LONP2: variants seen among roughly 807,000 people sequenced by gnomAD.
LONP2 encodes lon protease homolog 2, peroxisomal.
LONP2 carries 60 observed loss-of-function variants against 85.6 expected under a neutral mutation model. The ratio of observed to expected loss-of-function variants is 0.70; its 90% CI spans 0.57 to 0.87. The LOEUF is 0.87. Among genes scored for constraint, LONP2 ranks in the 40% least tolerant of loss-of-function variants. LONP2 has a pLI of 0.00. For synonymous variants in LONP2, 395 were observed against 389.7 expected, an observed-to-expected ratio of 1.01 and a Z score of -0.16; for missense variants, 860 against 1,063.5, an observed-to-expected ratio of 0.81 and a Z score of 2.66.
At chr16:48,314,444 A>G (rs1284249616) in intron 11 of LONP2, among the ~76,000 whole-genome samples, 1 of 152,122 alleles carries the variant, frequency 6.6e-6, no homozygotes, top group Non-Finnish European at 1.5e-5. Flanking sequence ...TGGGTTTTAC[A>G]TTTAAGTCTT....
chr16:48,332,510 G>A (rs1301125161), intron 11 of LONP2, among the ~76,000 whole-genome samples: 2 of 151,878 alleles, frequency 1.3e-5, no homozygotes, highest in African/African-American at 4.8e-5. Context: ...TCAGGAGTTC[G>A]AGACCAGCCT....
intron 7 of LONP2, among the ~76,000 whole-genome samples, chr16:48,272,148 A>C (rs1209231859): frequency 6.6e-6 from 1 of 152,226 alleles, no homozygotes; most frequent in African/African-American, 2.4e-5. Flanking sequence ...ACACACAGTG[A>C]GCATTCACTA....
chr16:48,296,974 T>G (rs933346771), intron 9 of LONP2, among the ~76,000 whole-genome samples: 10 of 151,294 alleles, frequency 6.6e-5, no homozygotes, highest in South Asian at 2.1e-4. Context: ...TATCACTGAG[T>G]TTTTTTTTAA....
chr16:48,244,368 C>T lies in LONP2; in HGVS notation c.-21C>T, dbSNP rs761052695. 1 of 1,508,496 alleles carries T rather than the reference C, an allele frequency of 6.6e-7. No individual in the cohort carries two copies. The highest frequency in any genetic ancestry group is 8.9e-7 in the Non-Finnish European group (1 of 1,127,308). The allele number at this position is 1,508,496 out of a possible 1,614,324, so 93.4% of individuals were successfully genotyped here. Reference sequence around the variant, plus strand: ...TCTGTCTGGCTCTTTTTGACAGCCCCCAGTGCGAAAGGCTGCCAGCATGTC... The same window carrying T: ...TCTGTCTGGCTCTTTTTGACAGCCCTCAGTGCGAAAGGCTGCCAGCATGTC... On this transcript the variant is annotated 5_prime_UTR_variant, in exon 1 of 15. Transcript: ENST00000285737.
intron 8 of LONP2, among the ~76,000 whole-genome samples, chr16:48,283,943 G>A (rs1972383564): frequency 6.6e-6 from 1 of 152,156 alleles, no homozygotes; most frequent in Non-Finnish European, 1.5e-5. Context: ...CACGGGAGGA[G>A]GTCAAAATAT....
chr16:48,282,617 G>A lies in LONP2; in HGVS notation c.1383+5138G>A, dbSNP rs148707985. Among the ~76,000 whole-genome samples the A allele has an allele frequency of 6.8e-4, 103 of 151,960 alleles. No individual in the cohort carries two copies. In the East Asian group the frequency reaches 0.012, roughly 17 times the overall value. On this transcript the variant is annotated intron_variant, in intron 8 of 14. Transcript: ENST00000285737. ...GTATTGCTATTGTGATTGTTTTGGG[G>A]CACCACAAACTGCACCCATATAAGA...
intron 2 of LONP2, among the ~76,000 whole-genome samples, chr16:48,254,596 C>G (rs1352618784): frequency 2.0e-5 from 3 of 152,062 alleles, no homozygotes; most frequent in African/African-American, 7.2e-5. Flanking sequence ...AACTCCTGAC[C>G]TCATGATCCA....
At chr16:48,328,537 G>C (rs1959326111) in intron 11 of LONP2, among the ~76,000 whole-genome samples, 1 of 152,086 alleles carries the variant, frequency 6.6e-6, no homozygotes, top group Non-Finnish European at 1.5e-5. Flanking sequence ...AATTAGCCAG[G>C]CATGGTGACG....
chr16:48,342,317 G>A (rs186437492), intron 12 of LONP2, among the ~76,000 whole-genome samples: 28 of 152,336 alleles, frequency 1.8e-4, no homozygotes, highest in African/African-American at 6.5e-4. Context: ...GCGAATTCCA[G>A]GAGATTCTGT....
chr16:48,249,626 A>G (rs759952538), intron 1 of LONP2, among the ~76,000 whole-genome samples: 24 of 152,212 alleles, frequency 1.6e-4, no homozygotes, highest in Non-Finnish European at 3.4e-4. Context: ...CTGTAATCCT[A>G]GCACTTTGGG....
chr16:48,271,174 T>TCAAACAAA (rs112143182), intron 7 of LONP2, among the ~76,000 whole-genome samples: 1 of 151,952 alleles, frequency 6.6e-6, no homozygotes, highest in Non-Finnish European at 1.5e-5. Flanking sequence ...AGACATTATC[T>TCAAACAAA]CAAACAAACA....
chr16:48,316,691 A>G (rs1382239788), intron 11 of LONP2, among the ~76,000 whole-genome samples: 1 of 152,132 alleles, frequency 6.6e-6, no homozygotes, highest in African/African-American at 2.4e-5. Flanking sequence ...CTTTTTATCT[A>G]TTTAATCCCT....
At chr16:48,280,777 C>T (rs1972309954) in intron 8 of LONP2, among the ~76,000 whole-genome samples, 1 of 152,122 alleles carries the variant, frequency 6.6e-6, no homozygotes, top group Non-Finnish European at 1.5e-5. Context: ...TTGCCCAAGT[C>T]CTGGGTAAAA....
At chr16:48,283,658 T>A (rs1972376913) in intron 8 of LONP2, among the ~76,000 whole-genome samples, 1 of 152,256 alleles carries the variant, frequency 6.6e-6, no homozygotes, top group African/African-American at 2.4e-5. Flanking sequence ...TTGAAAATAT[T>A]ACTGCTCGTT....
chr16:48,302,340 T>C (rs1567331469), intron 10 of LONP2, among the ~76,000 whole-genome samples: 1 of 152,242 alleles, frequency 6.6e-6, no homozygotes. Flanking sequence ...CTGTCTTTTC[T>C]CAGAACTTTT....
At chr16:48,362,249 A>G, downstream of LONP2, 1 of 1,614,218 alleles carries the variant, frequency 6.2e-7, no homozygotes, top group African/African-American at 1.3e-5. The surrounding 1 kb of genome is among the most constrained non-coding windows in gnomAD (Gnocchi z 4.2). Context: ...TGCTACAAAC[A>G]AGATGGCCAC....
chr16:48,338,548 CT>C (rs1443457221), intron 12 of LONP2, among the ~76,000 whole-genome samples: 3 of 152,204 alleles, frequency 2.0e-5, no homozygotes, highest in Middle Eastern at 3.4e-3. Context: ...ATGGGGAAGA[CT>C]TGGGGAGGGA....
At chr16:48,288,640 G>A (rs1327318317) in intron 8 of LONP2, among the ~76,000 whole-genome samples, 1 of 152,120 alleles carries the variant, frequency 6.6e-6, no homozygotes, top group Non-Finnish European at 1.5e-5. Flanking sequence ...ACTTGTGGCT[G>A]TGTCCTCGGG....
chr16:48,362,539 C>G lies in LONP2; in HGVS notation c.*676C>G. On this transcript the variant is annotated 3_prime_UTR_variant, in exon 5 of 5. Coordinates refer to the LONP2 transcript ENST00000565867. This position sits in a 1 kb window ranked among gnomAD's most constrained non-coding sequence, Gnocchi z 4.2. ...CTTTTAAAGTTTCATACAAAATTTA[C>G]TGAGCAAAAGAGGAAGAAAAATAGG... The G allele has an allele frequency of 3.5e-6, 4 of 1,130,388 alleles. No individual in the cohort carries two copies. Among genetic ancestry groups the G allele is most frequent in the Non-Finnish European group, 3.8e-6 (3 of 792,198 alleles). 70.0% of individuals were successfully genotyped at this position (1,130,388 alleles called of 1,614,324 possible).
Sources: gnomAD v4.1 joint callset for allele counts (sites outside exome capture counted in the v4.1 genomes callset) on GRCh38, gnomAD v4.1.1 for gene constraint, Gnocchi (gnomAD v3.1) non-coding constraint, MANE v1.5 for transcripts, NCBI Gene and HGNC (gene_info 2026-07-23, HGNC 2026-07-21) for gene names.